The following CTCFL variants were observed in gnomAD, a reference collection of about 807,000 sequenced individuals.
CTCFL encodes the protein transcriptional repressor CTCFL.
Under a neutral mutation model 67.4 loss-of-function variants are expected in CTCFL, and 36 were observed. The ratio of observed to expected loss-of-function variants is 0.53; its 90% confidence interval spans 0.41 to 0.71. The LOEUF (loss-of-function observed/expected upper bound fraction) is 0.71. CTCFL is among the 30% of genes least tolerant of loss of function. The probability of loss-of-function intolerance (pLI) is 0.00; values close to 1 mark genes in which losing one functional copy is unlikely to be tolerated. For synonymous variants in CTCFL, 324 were observed against 302.3 expected (o/e 1.07, Z -0.75); for missense variants, 786 against 835.2 (o/e 0.94, Z 0.73).
At position 57,515,764 on chromosome 20, in the gene CTCFL, T is replaced by C; in HGVS notation, c.1130A>G (p.Tyr377Cys). 1.9e-6 allele frequency: 3 copies of C among 1,614,182 alleles called. No homozygotes were observed. Among genetic ancestry groups the C allele is most frequent in the South Asian group, 2.2e-5 (2 of 91,080 alleles). The change falls in exon 6 of 11, where the codon TAT (tyrosine) becomes TGT (cysteine). Residue 377 changes from tyrosine (Y) to cysteine (C), a missense_variant. Tyr to Cys is a radical substitution (Grantham distance 194, BLOSUM62 -2). Coordinates refer to ENST00000243914, the MANE Select transcript of CTCFL (RefSeq NM_001386993.1). ...ERPFQCCQCS[Y>C]ASRDTYKLKR... ...CAGCTTGTAGGTATCTCTGCTGGCA[T>C]AGCTGCACTGGCAACACTGAAAGGG...
In CTCFL at chr20:57,524,175, C is replaced by G. The variant is rs1367954559; in HGVS notation, c.31G>C (p.Glu11Gln). The G allele has an allele frequency of 5.6e-6, 9 of 1,613,042 alleles. No individual in the cohort carries two copies. Among genetic ancestry groups the G allele is most frequent in the Non-Finnish European group, 7.6e-6 (9 of 1,179,914 alleles). MAATEISVLS[E>Q]QFTKIKELEL... Reference sequence around the variant, plus strand: ...AGTTCTTTGATCTTGGTGAATTGCTCAGAAAGGACAGAGATCTCAGTGGCT... The same window carrying G: ...AGTTCTTTGATCTTGGTGAATTGCTGAGAAAGGACAGAGATCTCAGTGGCT... The change falls in exon 2 of 11, where the codon GAG becomes CAG. Residue 11 changes from glutamate to glutamine, a missense_variant. Coordinates refer to ENST00000243914, the MANE Select transcript of CTCFL (RefSeq NM_001386993.1).
chr20:57,501,145 G>A (rs6128057), intron 10 of CTCFL, among the ~76,000 whole-genome samples: 3 of 152,186 alleles, frequency 2.0e-5, no homozygotes, highest in Non-Finnish European at 4.4e-5. Context: ...GCAATGCTGA[G>A]GCCAGGCCTA....
intron 9 of CTCFL, among the ~76,000 whole-genome samples, chr20:57,506,508 T>C (rs915848547): frequency 6.6e-6 from 1 of 152,202 alleles, no homozygotes; most frequent in Non-Finnish European, 1.5e-5. Flanking sequence ...TTCATCATTT[T>C]GGCCAGGCTG....
intron 9 of CTCFL, chr20:57,507,420 G>C (rs2068269212): frequency 8.2e-6 from 5 of 612,216 alleles, no homozygotes; most frequent in Non-Finnish European, 1.5e-5. Context: ...CTGGTCTTGA[G>C]CTCCTGGCCT....
In CTCFL at chr20:57,503,609, A is replaced by C. The variant is rs747915365; in HGVS notation, c.1675-8T>G. Reference sequence around the variant, plus strand: ...ATGTCTGTGCAGGTTAATCTGTCGGAGAATTGACACAGAACACACAAGGCG... The same window carrying C: ...ATGTCTGTGCAGGTTAATCTGTCGGCGAATTGACACAGAACACACAAGGCG... On this transcript the variant is annotated splice_polypyrimidine_tract_variant and splice_region_variant and intron_variant, in intron 9 of 10. Coordinates refer to ENST00000243914, the MANE Select transcript of CTCFL (RefSeq NM_001386993.1). 6.2e-7 allele frequency: 1 copy of C among 1,614,010 alleles called. No individual in the cohort carries two copies. Among genetic ancestry groups the C allele is most frequent in the Non-Finnish European group, 8.5e-7 (1 of 1,179,942 alleles).
chr20:57,503,202 A>T (rs911328682), intron 10 of CTCFL, among the ~76,000 whole-genome samples: 6 of 152,236 alleles, frequency 3.9e-5, no homozygotes. Context: ...GCGATGGAAG[A>T]GGGCTCCTCG....
chr20:57,517,745 G>A (rs972600267), intron 5 of CTCFL, among the ~76,000 whole-genome samples: 6 of 151,922 alleles, frequency 3.9e-5, no homozygotes, highest in Non-Finnish European at 8.8e-5. Flanking sequence ...CCTGTGCTGA[G>A]GCTACCCCCC....
At chr20:57,506,642 A>G in intron 9 of CTCFL, 1 of 271,950 alleles carries the variant, frequency 3.7e-6, no homozygotes, top group Non-Finnish European at 5.6e-6. Flanking sequence ...CTGTCTATTT[A>G]CTGAGTTATA....
intron 9 of CTCFL, chr20:57,507,802 GATAA>G: frequency 1.4e-6 from 1 of 703,018 alleles, no homozygotes; most frequent in South Asian, 1.5e-5. Flanking sequence ...TCTGTCAGGT[GATAA>G]ATGTTTGTGG....
At chr20:57,522,968 A>G (rs982076288) in intron 3 of CTCFL, 100 bp downstream of exon 3, 2 of 913,414 alleles carry the variant, frequency 2.2e-6, no homozygotes, top group African/African-American at 1.7e-5. Flanking sequence ...TTTTGAAAGT[A>G]AAAGTCAACC....
intron 10 of CTCFL, among the ~76,000 whole-genome samples, chr20:57,499,238 C>T (rs1017820320): frequency 1.3e-5 from 2 of 152,218 alleles, no homozygotes; most frequent in Non-Finnish European, 2.9e-5. Context: ...ATGCTGCCTA[C>T]ATGAAGAAAG....
At position 57,507,688 on chromosome 20, in the gene CTCFL, C is replaced by T. The variant is rs1373264657; in HGVS notation, c.1674+918G>A. On this transcript the variant is annotated intron_variant, in intron 9 of 10. Coordinates refer to ENST00000243914, the MANE Select transcript of CTCFL (RefSeq NM_001386993.1). ...GTGGATCCTCTGGCCCCAGTCCAGC[C>T]TTCGGATGATGCAGCCCTGGCGGAC... 8.5e-6 allele frequency: 6 copies of T among 703,026 alleles called. No individual in the cohort carries two copies. The East Asian group carries it at 1.6e-4, about 19-fold the overall frequency. 43.5% of individuals were successfully genotyped at this position (703,026 alleles called of 1,614,324 possible).
intron 10 of CTCFL, among the ~76,000 whole-genome samples, chr20:57,502,560 T>C (rs1673266578): frequency 6.6e-6 from 1 of 152,090 alleles, no homozygotes; most frequent in Non-Finnish European, 1.5e-5. Context: ...TATTTGCTTG[T>C]GCCGTAAAAG....
intron 5 of CTCFL, among the ~76,000 whole-genome samples, 196 bp from the exon 6 acceptor site, chr20:57,516,030 A>ATG (rs1184828744): frequency 1.3e-5 from 2 of 152,052 alleles, no homozygotes; most frequent in African/African-American, 4.8e-5. Context: ...ATCTCATTTG[A>ATG]TGTGTGTGTG....
At chr20:57,513,177 G>A (rs916114209) in intron 7 of CTCFL, 1 of 906,076 alleles carries the variant, frequency 1.1e-6, no homozygotes, top group East Asian at 1.2e-4. Context: ...TGGGGTAGGT[G>A]AATTTTAGGA....
intron 10 of CTCFL, chr20:57,499,961 G>A: frequency 3.0e-6 from 3 of 986,630 alleles, no homozygotes; most frequent in Non-Finnish European, 3.6e-6. Context: ...GGGGGTTGGG[G>A]AGCCCTGCTC....
chr20:57,513,648 T>C (rs1367174692), intron 7 of CTCFL: 1 of 1,182,256 alleles, frequency 8.5e-7, no homozygotes, highest in African/African-American at 1.6e-5. Flanking sequence ...TGTGCTGGTA[T>C]CTACGGCAAC....
intron 3 of CTCFL, among the ~76,000 whole-genome samples, chr20:57,519,605 G>C (rs2069195028): frequency 6.6e-6 from 1 of 152,212 alleles, no homozygotes; most frequent in African/African-American, 2.4e-5. Flanking sequence ...TGGGCACAGA[G>C]TGGACTAGGT....
chr20:57,523,417 G>C, intron 2 of CTCFL, 139 bp from the exon 3 acceptor site: 1 of 982,028 alleles, frequency 1.0e-6, no homozygotes, highest in Non-Finnish European at 1.5e-6. Context: ...TCGCATCAGG[G>C]TTGTGGCAGT....
Sources: gnomAD v4.1 joint callset for allele counts (sites outside exome capture counted in the v4.1 genomes callset) on GRCh38, gnomAD v4.1.1 for gene constraint, MANE v1.5 for transcripts, NCBI Gene and HGNC (gene_info 2026-07-23, HGNC 2026-07-21) for gene names.